EIF4ENIF1: variants seen among roughly 807,000 people sequenced by gnomAD.
EIF4ENIF1 encodes eukaryotic translation initiation factor 4E nuclear import factor 1.
EIF4ENIF1 carries 23 observed loss-of-function variants against 110.5 expected under a neutral mutation model. The observed-to-expected ratio is 0.21, with a 90% CI of 0.15 to 0.29. The LOEUF (loss-of-function observed/expected upper bound fraction) is 0.29, where lower values mean the gene tolerates loss of function less well. EIF4ENIF1 is among the 10% of genes least tolerant of loss of function. The probability of loss-of-function intolerance (pLI) is 1.00; values close to 1 mark genes in which losing one functional copy is unlikely to be tolerated. For missense variants in EIF4ENIF1, 1,031 were observed against 1,221.1 expected (o/e 0.84, Z 2.32); for synonymous variants, 440 against 437.0 (o/e 1.01, Z -0.09).
At chr22:31,449,299 C>T (rs752213514) in intron 12 of EIF4ENIF1, 49 bp downstream of exon 12, 9 of 1,580,552 alleles carry the variant, frequency 5.7e-6, no homozygotes, top group South Asian at 2.3e-5. Flanking sequence ...CATGAGCTAC[C>T]GTGCCTGGCC....
intron 2 of EIF4ENIF1, among the ~76,000 whole-genome samples, chr22:31,477,434 T>C (rs2051629613): frequency 6.6e-6 from 1 of 151,694 alleles, no homozygotes; most frequent in Non-Finnish European, 1.5e-5. Flanking sequence ...AATGTTTTGT[T>C]CAATATAATC....
intron 6 of EIF4ENIF1, 136 bp downstream of exon 6, chr22:31,462,796 T>C (rs1167889128): frequency 2.5e-6 from 2 of 809,308 alleles, no homozygotes; most frequent in Non-Finnish European, 3.8e-6. Flanking sequence ...TTGGCCAGGC[T>C]GGTCTCAAAC....
chr22:31,460,232 A>T (rs192566173), intron 6 of EIF4ENIF1, among the ~76,000 whole-genome samples: 33 of 152,340 alleles, frequency 2.2e-4, no homozygotes, highest in Non-Finnish European at 1.5e-4. Flanking sequence ...GAGTATTTTG[A>T]TTCTCCATTT....
At chr22:31,482,873 A>T (rs2051873142) in intron 2 of EIF4ENIF1, among the ~76,000 whole-genome samples, 1 of 150,618 alleles carries the variant, frequency 6.6e-6, no homozygotes, top group Non-Finnish European at 1.5e-5. Context: ...ATGTAAAAAA[A>T]ATTAGCTGGG....
intron 17 of EIF4ENIF1, 39 bp downstream of exon 17, chr22:31,441,735 C>A (rs760002062): frequency 1.9e-6 from 3 of 1,542,414 alleles, no homozygotes. Context: ...TCCCCTAGGC[C>A]CACAAACTGA....
rs1315842069 is a variant in EIF4ENIF1, at chr22:31,449,439, G to A, written c.1677C>T (p.Gly559=). ...GSLEPTTSLL[G]QRAPSPPLSQ... is the part of the protein sequence containing the mutation. ...ACAAGGGAGGAGAGGGTGCTCTTTG[G>A]CCCAGTAAAGATGTTGTAGGCTCCA... Residue 559 remains glycine (G), a synonymous_variant, in exon 12 of 19, where the codon GGC becomes GGT. Coordinates refer to ENST00000330125, the MANE Select transcript of EIF4ENIF1 (RefSeq NM_019843.4). 2 of 1,613,996 alleles carry A rather than the reference G, an allele frequency of 1.2e-6. No homozygotes were observed. The highest frequency in any genetic ancestry group is 1.7e-6 in the Non-Finnish European group (2 of 1,180,014).
At chr22:31,477,373 AAC>A (rs1569101814) in intron 2 of EIF4ENIF1, among the ~76,000 whole-genome samples, 9 of 84,214 alleles carry the variant, frequency 1.1e-4, no homozygotes, top group Admixed American at 1.2e-4. Context: ...AAAAAAAAAA[AAC>A]AAAAAAAACA....
At chr22:31,493,081 T>G (rs2052297669), upstream of EIF4ENIF1, among the ~76,000 whole-genome samples, 1 of 151,682 alleles carries the variant, frequency 6.6e-6, no homozygotes, top group Admixed American at 6.6e-5. Context: ...TCGTCCAGGC[T>G]GGAGTGCAGT....
chr22:31,477,189 C>T (rs2051607350), intron 2 of EIF4ENIF1, among the ~76,000 whole-genome samples: 1 of 151,082 alleles, frequency 6.6e-6, no homozygotes, highest in Non-Finnish European at 1.5e-5. Flanking sequence ...CATAGCAAAA[C>T]CCTGTCTCTA....
intron 2 of EIF4ENIF1, among the ~76,000 whole-genome samples, chr22:31,480,795 T>C (rs2051789250): frequency 1.3e-5 from 2 of 152,022 alleles, no homozygotes; most frequent in Admixed American, 6.6e-5. Context: ...CCGGGTGCAG[T>C]GGCTCACGTC....
In EIF4ENIF1 at chr22:31,440,841, C is replaced by G. The variant is rs753131201; in HGVS notation, c.2579G>C (p.Ser860Thr). Residue 860 changes from serine (S) to threonine (T), a missense_variant, in exon 18 of 19, where the codon AGT (serine) becomes ACT (threonine). Around this residue, in one of 3 missense-constraint regions of EIF4ENIF1, gnomAD observed 309 missense variants for 299.1 expected, o/e 1.03. Transcript: ENST00000330125. ...GGGGCCAGATATTCCCTGTAAATGA[C>G]TCAAGTCCATCCCAGGAGGAAGCAC... Reference protein sequence around the residue: ...TGVLPPGMDLSHLQGISGPIL... With the variant: ...TGVLPPGMDLTHLQGISGPIL... 3 of 1,613,980 alleles carry G rather than the reference C, an allele frequency of 1.9e-6. No individual in the cohort carries two copies. The South Asian group carries it at 3.3e-5, about 18-fold the overall frequency.
intron 2 of EIF4ENIF1, among the ~76,000 whole-genome samples, chr22:31,477,267 G>A (rs571485074): frequency 4.8e-5 from 7 of 146,720 alleles, no homozygotes; most frequent in Non-Finnish European, 7.4e-5. Context: ...TTGAGAGGCC[G>A]AAGCAGGAGA....
chr22:31,449,331 C>A lies in EIF4ENIF1; in HGVS notation c.1768+17G>T, dbSNP rs777129665. On this transcript the variant is annotated intron_variant, in intron 12 of 18. Coordinates refer to ENST00000330125, the MANE Select transcript of EIF4ENIF1 (RefSeq NM_019843.4). ...GGCCATAAATTCATATTTCTTTTGA[C>A]AAATAAGTATATTTACCAATTGGTG... The A allele has an allele frequency of 6.2e-6, 10 of 1,610,010 alleles. No individual in the cohort carries two copies. The highest frequency in any genetic ancestry group is 7.6e-6 in the Non-Finnish European group (9 of 1,177,896).
In EIF4ENIF1 at chr22:31,447,434, G is replaced by A; in HGVS notation, c.1980C>T (p.Phe660=). The A allele has an allele frequency of 6.2e-7, 1 of 1,610,266 alleles. No individual in the cohort carries two copies. Among genetic ancestry groups the A allele is most frequent in the Non-Finnish European group, 8.5e-7 (1 of 1,179,232 alleles). The part of the protein sequence containing the change: ...KPQVDRTRDG[F]RNRQQRVTKS... ...CAGGATTAGTAATTTACCTGTTTCT[G>A]AATCCATCTCTGGTTCTGTCCACCT... Residue 660 remains phenylalanine, a synonymous_variant, in exon 14 of 19, where the codon TTC becomes TTT. Coordinates refer to ENST00000330125, the MANE Select transcript of EIF4ENIF1 (RefSeq NM_019843.4).
At position 31,450,318 on chromosome 22, in the gene EIF4ENIF1, C is replaced by T; in HGVS notation, c.1555G>A (p.Gly519Ser). 1 of 1,613,624 alleles carries T rather than the reference C, an allele frequency of 6.2e-7. No homozygotes were observed. ...AGGATGTTCTTAGGGACAGGCTGGC[C>T]TGGAATCTCAGCAGGGGACATCAAA... ...SHLMSPAEIP[G>S]QPVPKNILQE... Residue 519 changes from glycine to serine, a missense_variant, in exon 11 of 19, where the codon GGC becomes AGC. This residue lies in a region of EIF4ENIF1 where 704 missense variants were observed against 879.7 expected (regional missense o/e 0.80). Transcript: ENST00000330125.
chr22:31,486,814 C>G (rs1420166664), intron 2 of EIF4ENIF1, among the ~76,000 whole-genome samples: 1 of 152,040 alleles, frequency 6.6e-6, no homozygotes, highest in Non-Finnish European at 1.5e-5. Context: ...GGCGCAGTGG[C>G]TCACGCCTGT....
intron 4 of EIF4ENIF1, 87 bp from the exon 5 acceptor site, chr22:31,464,054 G>T: frequency 6.7e-7 from 1 of 1,481,964 alleles, no homozygotes. Flanking sequence ...ACTGATGGGA[G>T]GAAGGGGATG....
Position 31,442,617 on chromosome 22 carries a change from A to G in EIF4ENIF1, c.2206+345T>C, listed in dbSNP as rs929811287. 5.3e-5 allele frequency among the ~76,000 whole-genome samples: 8 copies of G among 152,254 alleles called. No homozygotes were observed. The South Asian group carries it at 8.3e-4, about 16-fold the overall frequency. ...ACACTTAAGTCTCCACAGGCTGGAC[A>G]TAATCTTTCAGAAGTAAAACTCGCT... On this transcript the variant is annotated intron_variant, in intron 16 of 18. Transcript: ENST00000330125.
In EIF4ENIF1 at chr22:31,465,363, C is replaced by G. The variant is rs2051151045; in HGVS notation, c.299-1396G>C. ...AAAACCAACACAATTGAAAAATAGACAAATGGTTTGAACAGACACTTCACC... is the reference window on the plus strand; with the variant it reads ...AAAACCAACACAATTGAAAAATAGAGAAATGGTTTGAACAGACACTTCACC... On this transcript the variant is annotated intron_variant, in intron 4 of 18. Coordinates refer to ENST00000330125, the MANE Select transcript of EIF4ENIF1 (RefSeq NM_019843.4). Among the ~76,000 whole-genome samples the G allele has an allele frequency of 2.7e-5, 4 of 146,848 alleles. No individual in the cohort carries two copies. In the South Asian group the frequency reaches 8.6e-4, roughly 32 times the overall value.
Sources: gnomAD v4.1 joint callset for allele counts (sites outside exome capture counted in the v4.1 genomes callset) on GRCh38, gnomAD v4.1.1 for gene constraint, gnomAD v4.1.1 regional missense constraint, MANE v1.5 for transcripts, NCBI Gene and HGNC (gene_info 2026-07-23, HGNC 2026-07-21) for gene names.